FBXW8: variants seen among roughly 807,000 people sequenced by gnomAD.
FBXW8 encodes the protein F-box and WD repeat domain containing 8.
In FBXW8, 57 loss-of-function variants were observed where a neutral mutation model predicts 65.3. The ratio of observed to expected loss-of-function variants is 0.87; its 90% CI spans 0.71 to 1.09. The LOEUF is 1.09. FBXW8 is among the 50% of genes least tolerant of loss of function. The pLI, the probability that FBXW8 is intolerant of heterozygous loss-of-function variation, is 0.00. For synonymous variants in FBXW8, 308 were observed against 330.2 expected, an observed-to-expected ratio of 0.93 and a Z score of 0.73; for missense variants, 777 against 814.8, an observed-to-expected ratio of 0.95 and a Z score of 0.57.
At chr12:116,942,358 T>G (rs963991884) in intron 2 of FBXW8, among the ~76,000 whole-genome samples, 2 of 146,228 alleles carry the variant, frequency 1.4e-5, no homozygotes, top group African/African-American at 4.9e-5. Context: ...TCAATTGACT[T>G]GCTTTAAGTT....
At position 116,961,830 on chromosome 12, in the gene FBXW8, G is replaced by T. The variant is rs1884001402; in HGVS notation, c.678-2867G>T. 6.6e-6 allele frequency among the ~76,000 whole-genome samples: 1 copy of T among 152,226 alleles called. No homozygotes were observed. The highest frequency in any genetic ancestry group is 1.5e-5 in the Non-Finnish European group (1 of 68,038). On this transcript the variant is annotated intron_variant, in intron 4 of 10. Transcript: ENST00000652555. The surrounding 1 kb of genome is among the most constrained non-coding windows in gnomAD (Gnocchi z 4.4). ...GGAAGTAAAGGAAATGGTTCCAGAA[G>T]AAAGATTCATGCAGTCAGGTGTTTT...
At chr12:116,989,959 G>A (rs746242732) in intron 7 of FBXW8, among the ~76,000 whole-genome samples, 5 of 152,318 alleles carry the variant, frequency 3.3e-5, no homozygotes, top group East Asian at 3.9e-4. Flanking sequence ...GAGAGCTCCC[G>A]ACCTGTTAGC....
At chr12:116,921,196 A>G (rs1324478588) in intron 1 of FBXW8, among the ~76,000 whole-genome samples, 1 of 152,234 alleles carries the variant, frequency 6.6e-6, no homozygotes, top group Non-Finnish European at 1.5e-5. Flanking sequence ...ATCAAATTCC[A>G]TGGACATTTA....
rs531127889 is a variant in FBXW8 at position 116,950,886 on chromosome 12, C to T, written c.677+1180C>T. 2.6e-5 allele frequency: 4 copies of T among 152,294 alleles called. No individual in the cohort carries two copies. In the South Asian group the frequency reaches 6.2e-4, roughly 24 times the overall value. The allele number at this position is 152,294 out of a possible 1,614,324, so 9.4% of individuals were successfully genotyped here. ...GGATGCTACAGTTTGGTGTGAACTCCGGAAGGTACTTAGATCATTCCAGCT... is the reference window on the plus strand; with the variant it reads ...GGATGCTACAGTTTGGTGTGAACTCTGGAAGGTACTTAGATCATTCCAGCT... On this transcript the variant is annotated intron_variant, in intron 4 of 10. Coordinates refer to ENST00000652555, the MANE Select transcript of FBXW8 (RefSeq NM_153348.3).
chr12:116,985,223 G>T lies in FBXW8; in HGVS notation c.853G>T (p.Asp285Tyr), dbSNP rs1215882234. ...CTGCATAGGGTTTCTTAATATTTGGGATTTAAGGACCGGAAAGTACCCTGT... is the reference window on the plus strand; with the variant it reads ...CTGCATAGGGTTTCTTAATATTTGGTATTTAAGGACCGGAAAGTACCCTGT... The part of the protein sequence containing the change: ...AYEDGFLNIW[D>Y]LRTGKYPVHR... The change falls in exon 6 of 11, where the codon GAT (aspartate) becomes TAT (tyrosine). Residue 285 changes from aspartate to tyrosine, a missense_variant. Coordinates refer to ENST00000652555, the MANE Select transcript of FBXW8 (RefSeq NM_153348.3). The T allele has an allele frequency of 6.2e-7, 1 of 1,604,794 alleles. No homozygotes were observed. Among genetic ancestry groups the T allele is most frequent in the Admixed American group, 1.7e-5 (1 of 57,590 alleles).
At chr12:116,922,565 T>C (rs540938151) in intron 1 of FBXW8, among the ~76,000 whole-genome samples, 1 of 152,222 alleles carries the variant, frequency 6.6e-6, no homozygotes, top group Non-Finnish European at 1.5e-5. Context: ...CTCTTAGTAA[T>C]TATCTGTTCT....
intron 8 of FBXW8, among the ~76,000 whole-genome samples, chr12:117,022,495 T>TA (rs915944047): frequency 2.1e-4 from 31 of 147,196 alleles, no homozygotes; most frequent in Middle Eastern, 7.0e-3. Flanking sequence ...CTACTGAAAA[T>TA]AAAAAAAAAA....
In FBXW8 at chr12:116,961,212, T is replaced by G. The variant is rs1883967332; in HGVS notation, c.678-3485T>G. Among the ~76,000 whole-genome samples, 1 of 152,164 alleles carries G rather than the reference T, an allele frequency of 6.6e-6. No individual in the cohort carries two copies. The highest frequency in any genetic ancestry group is 1.5e-5 in the Non-Finnish European group (1 of 68,020). ...GGTTTCACCCTGTTGGCCAGGCTGGTCTCAACCTCCTGACCTCAGGTGATC... is the reference window on the plus strand; with the variant it reads ...GGTTTCACCCTGTTGGCCAGGCTGGGCTCAACCTCCTGACCTCAGGTGATC... On this transcript the variant is annotated intron_variant, in intron 4 of 10. Coordinates refer to ENST00000652555, the MANE Select transcript of FBXW8 (RefSeq NM_153348.3). This position sits in a 1 kb window ranked among gnomAD's most constrained non-coding sequence, Gnocchi z 4.4.
At chr12:116,976,861 G>A (rs1005968294) in intron 5 of FBXW8, among the ~76,000 whole-genome samples, 5 of 152,082 alleles carry the variant, frequency 3.3e-5, no homozygotes, top group Non-Finnish European at 7.4e-5. Flanking sequence ...TATATAAAAC[G>A]GGAAAGGCAG....
intron 1 of FBXW8, among the ~76,000 whole-genome samples, chr12:116,927,254 C>G (rs1435257674): frequency 6.6e-6 from 1 of 152,178 alleles, no homozygotes. Flanking sequence ...ACAGCCTTAT[C>G]TCTCAAATAA....
At chr12:117,011,185 G>A (rs1461846877) in intron 8 of FBXW8, among the ~76,000 whole-genome samples, 1 of 135,266 alleles carries the variant, frequency 7.4e-6, no homozygotes, top group African/African-American at 3.1e-5. Flanking sequence ...CTGAAGAGAG[G>A]TAGCATGGCT....
chr12:116,945,171 A>G (rs1027932247), intron 2 of FBXW8, among the ~76,000 whole-genome samples, 193 bp from the exon 3 acceptor site: 3 of 152,244 alleles, frequency 2.0e-5, no homozygotes, highest in Non-Finnish European at 4.4e-5. Context: ...TGGTACAACA[A>G]TTTTGAAATC....
chr12:117,012,029 C>T (rs1050960674), intron 8 of FBXW8, among the ~76,000 whole-genome samples: 1 of 152,074 alleles, frequency 6.6e-6, no homozygotes, highest in Non-Finnish European at 1.5e-5. Context: ...TATGCAAATA[C>T]CACACCATTT....
intron 2 of FBXW8, among the ~76,000 whole-genome samples, chr12:116,940,562 G>T (rs919672229): frequency 6.6e-6 from 1 of 151,168 alleles, no homozygotes; most frequent in Non-Finnish European, 1.5e-5. Flanking sequence ...GACCAAATTG[G>T]GGTTACTGTT....
In FBXW8 at chr12:117,030,333, G is replaced by A. The variant is rs746272167; in HGVS notation, c.*2161G>A. On this transcript the variant is annotated 3_prime_UTR_variant, in exon 11 of 11. Coordinates refer to ENST00000652555, the MANE Select transcript of FBXW8 (RefSeq NM_153348.3). ...AGGGTTTTCTGCTTCCTTTCAACCA[G>A]ATAACTTCCTAAGTGGAGATGGCCT... 1 of 152,142 alleles carries A rather than the reference G, an allele frequency of 6.6e-6. No individual in the cohort carries two copies. Among genetic ancestry groups the A allele is most frequent in the Non-Finnish European group, 1.5e-5 (1 of 68,020 alleles). The allele number at this position is 152,142 out of a possible 1,614,324, so 9.4% of individuals were successfully genotyped here.
At chr12:116,973,763 T>G (rs1291534542) in intron 5 of FBXW8, among the ~76,000 whole-genome samples, 3 of 152,208 alleles carry the variant, frequency 2.0e-5, no homozygotes, top group Non-Finnish European at 2.9e-5. Context: ...TGGCTTGGGT[T>G]GTTTTTCTAC....
intron 5 of FBXW8, among the ~76,000 whole-genome samples, chr12:116,972,630 G>C (rs10735103): frequency 0.72 from 110,040 of 151,930 alleles, 42,593 homozygotes; most frequent in Non-Finnish European, 0.85. Context: ...GGAGACTGAG[G>C]AGGTAAGTAT....
chr12:116,995,171 C>G (rs1321037307), intron 7 of FBXW8, among the ~76,000 whole-genome samples: 1 of 152,232 alleles, frequency 6.6e-6, no homozygotes, highest in Non-Finnish European at 1.5e-5. Flanking sequence ...ACTGACAGCC[C>G]TATCCGGCCA....
chr12:116,912,578 G>C (rs571525866), intron 1 of FBXW8, among the ~76,000 whole-genome samples: 10 of 150,442 alleles, frequency 6.6e-5, no homozygotes, highest in Non-Finnish European at 1.2e-4. Context: ...TCCTGCCTCA[G>C]CCTCCCCAGT....
Sources: gnomAD v4.1 joint callset for allele counts (sites outside exome capture counted in the v4.1 genomes callset) on GRCh38, gnomAD v4.1.1 for gene constraint, Gnocchi (gnomAD v3.1) non-coding constraint, MANE v1.5 for transcripts, NCBI Gene and HGNC (gene_info 2026-07-23, HGNC 2026-07-21) for gene names.